The following SAG variants were observed in gnomAD, a reference collection of about 807,000 sequenced individuals.
SAG encodes S-arrestin.
A neutral mutation model predicts 55.0 loss-of-function variants in SAG; 45 were observed. The observed-to-expected ratio is 0.82, with a 90% CI of 0.64 to 1.05. The LOEUF is 1.05. Among genes scored for constraint, SAG ranks in the 50% least tolerant of loss-of-function variants. SAG has a pLI of 0.00. For synonymous variants in SAG, 189 were observed against 197.4 expected (o/e 0.96, Z 0.36); for missense variants, 455 against 512.1 (o/e 0.89, Z 1.08).
chr2:233,327,193 A>G lies in SAG; in HGVS notation c.508A>G (p.Lys170Glu), dbSNP rs1700587803. ...CGATGCCGAAGAGGACAAAATCCCC[A>G]AGAAGTAAGAGTATGGTTGCGGAAT... ...STDAEEDKIPKKSSVRLLIRK... is the reference protein window; with the variant it reads ...STDAEEDKIPEKSSVRLLIRK... The change falls in exon 7 of 16, where the codon AAG becomes GAG. Residue 170 changes from lysine to glutamate, a missense_variant. Coordinates refer to ENST00000409110, the MANE Select transcript of SAG (RefSeq NM_000541.5). 6.2e-7 allele frequency: 1 copy of G among 1,613,122 alleles called. No individual in the cohort carries two copies. The highest frequency in any genetic ancestry group is 1.7e-4 in the Middle Eastern group (1 of 6,056).
At chr2:233,342,621 G>C (rs1701137841) in intron 14 of SAG, 1 of 388,010 alleles carries the variant, frequency 2.6e-6, no homozygotes, top group South Asian at 4.1e-5. Context: ...CAGAAGCTCT[G>C]CTGTCAACAG....
At chr2:233,315,281 CTTTTTTTTTTT>C (rs5839476) in intron 2 of SAG, among the ~76,000 whole-genome samples, 11 of 69,394 alleles carry the variant, frequency 1.6e-4, no homozygotes, top group African/African-American at 4.1e-4. Context: ...TCCAGAAGTT[CTTTTTTTTTTT>C]TTTTTTTTTT....
chr2:233,317,167 T>A (rs780734718), intron 3 of SAG, among the ~76,000 whole-genome samples: 2 of 152,190 alleles, frequency 1.3e-5, no homozygotes, highest in Non-Finnish European at 2.9e-5. Flanking sequence ...CAGCAGCAGC[T>A]TCTTAAAACA....
At chr2:233,345,275 T>G (rs1034407164) in intron 14 of SAG, 2 of 152,188 alleles carry the variant, frequency 1.3e-5, no homozygotes, top group Non-Finnish European at 2.9e-5. Flanking sequence ...ACTTTGCGGC[T>G]GGGGGTTGGT....
At chr2:233,313,223 A>G (rs1008219944) in intron 2 of SAG, among the ~76,000 whole-genome samples, 7 of 152,156 alleles carry the variant, frequency 4.6e-5, no homozygotes, top group African/African-American at 1.7e-4. Flanking sequence ...AAGCGTGGGT[A>G]GGATTTCCCC....
intron 2 of SAG, among the ~76,000 whole-genome samples, chr2:233,311,944 G>A (rs1187696057): frequency 3.9e-5 from 6 of 152,160 alleles, no homozygotes; most frequent in Non-Finnish European, 7.4e-5. Context: ...TGGCCAACAT[G>A]GAGAAACCCT....
In SAG at chr2:233,329,491, A is replaced by C. The variant is rs1202027636; in HGVS notation, c.649-2A>C. On this transcript the variant is annotated splice_acceptor_variant, in intron 8 of 15. Transcript: ENST00000409110. LOFTEE classifies it high-confidence loss of function. ...TTCTGACCTATCTGCTGACTTTTCT[A>C]GATCTATTTCCATGGGGAGCCCATC... is the stretch of plus-strand genomic sequence containing the variant. The C allele has an allele frequency of 6.2e-7, 1 of 1,603,868 alleles. No individual in the cohort carries two copies. Among genetic ancestry groups the C allele is most frequent in the Non-Finnish European group, 8.5e-7 (1 of 1,170,842 alleles).
intron 9 of SAG, among the ~76,000 whole-genome samples, chr2:233,330,474 T>G (rs1466326460): frequency 9.0e-5 from 3 of 33,400 alleles, no homozygotes. Flanking sequence ...TTTCCCTCCC[T>G]CCCTTCCTTC....
intron 6 of SAG, among the ~76,000 whole-genome samples, 173 bp downstream of exon 6, chr2:233,323,178 C>G (rs1700438991): frequency 6.6e-6 from 1 of 152,198 alleles, no homozygotes; most frequent in Admixed American, 6.5e-5. Context: ...CTAGCCTCAG[C>G]ATCCTGAGTA....
chr2:233,315,942 C>T (rs887777153), intron 2 of SAG, 133 bp from the exon 3 acceptor site: 8 of 618,252 alleles, frequency 1.3e-5, no homozygotes, highest in African/African-American at 1.2e-4. Context: ...CCTCGTGATC[C>T]GCCCGCCTTG....
At chr2:233,313,389 G>A (rs1358096438) in intron 2 of SAG, among the ~76,000 whole-genome samples, 4 of 152,202 alleles carry the variant, frequency 2.6e-5, no homozygotes, top group Non-Finnish European at 5.9e-5. Flanking sequence ...GGGTGGCCAC[G>A]CACAAGGCGC....
In SAG at chr2:233,309,419, G is replaced by A. The variant is rs1302363930; in HGVS notation, c.75+155G>A. The A allele has an allele frequency of 4.7e-6, 3 of 639,638 alleles. No individual in the cohort carries two copies. The African/African-American group carries it at 5.5e-5, about 12-fold the overall frequency. The allele number at this position is 639,638 out of a possible 1,614,324, so 39.6% of individuals were successfully genotyped here. ...TAATCCCAGCACTTTGGGAGGCGGA[G>A]GCGGGATAACTTGAGGCCAGGAGTT... is the stretch of plus-strand genomic sequence containing the variant. On this transcript the variant is annotated intron_variant, in intron 2 of 15. Coordinates refer to ENST00000409110, the MANE Select transcript of SAG (RefSeq NM_000541.5).
chr2:233,309,958 T>A (rs1466574015), intron 2 of SAG, among the ~76,000 whole-genome samples: 4 of 152,210 alleles, frequency 2.6e-5, no homozygotes, highest in African/African-American at 9.7e-5. Flanking sequence ...CCTGCCTGGG[T>A]AAAACCCAGA....
chr2:233,343,769 G>T, intron 14 of SAG: 1 of 1,041,126 alleles, frequency 9.6e-7, no homozygotes, highest in Non-Finnish European at 1.2e-6. Flanking sequence ...AGGAATAAGG[G>T]ATATTTTAAG....
intron 3 of SAG, among the ~76,000 whole-genome samples, chr2:233,316,982 C>T (rs1700230781): frequency 1.3e-5 from 2 of 152,204 alleles, no homozygotes; most frequent in Admixed American, 6.5e-5. Flanking sequence ...CGACCTCAGC[C>T]TCCCAAGTAG....
At chr2:233,310,801 C>G (rs1405843312) in intron 2 of SAG, among the ~76,000 whole-genome samples, 1 of 152,186 alleles carries the variant, frequency 6.6e-6, no homozygotes, top group African/African-American at 2.4e-5. Flanking sequence ...GCCACCGCAC[C>G]TGGCCCATTG....
chr2:233,315,935 C>T (rs966041268), intron 2 of SAG, 140 bp from the exon 3 acceptor site: 81 of 607,404 alleles, frequency 1.3e-4, no homozygotes, highest in Middle Eastern at 8.1e-4. Flanking sequence ...CTCCTGACCT[C>T]GTGATCCGCC....
rs535229458 is a variant in SAG at position 233,340,252 on chromosome 2, C to T, written c.1023-203C>T. On this transcript the variant is annotated intron_variant, in intron 12 of 15. Coordinates refer to ENST00000409110, the MANE Select transcript of SAG (RefSeq NM_000541.5). This position sits in a 1 kb window ranked among gnomAD's most constrained non-coding sequence, Gnocchi z 4.2. The stretch of plus-strand genomic sequence containing the variant: ...GATTACAGGCATGATCCCCCATGCC[C>T]GGCCTTTTTAAACTAATCATCTTGA... Among the ~76,000 whole-genome samples the T allele has an allele frequency of 7.9e-5, 12 of 152,256 alleles. No individual in the cohort carries two copies. The highest frequency in any genetic ancestry group is 7.7e-4 in the East Asian group (4 of 5,192).
At chr2:233,328,094 C>T (rs1700626546) in intron 7 of SAG, 2 of 169,176 alleles carry the variant, frequency 1.2e-5, no homozygotes, top group African/African-American at 2.4e-5. Context: ...TCTCTGGAGG[C>T]GCAGGATAGT....
Sources: allele counts gnomAD v4.1 joint callset (sites outside exome capture counted in the v4.1 genomes callset), GRCh38; gene constraint gnomAD v4.1.1; non-coding constraint Gnocchi (gnomAD v3.1); transcripts MANE v1.5; gene names NCBI Gene and HGNC (gene_info 2026-07-23, HGNC 2026-07-21).